The following LRP1B variants were observed in gnomAD, a reference collection of about 807,000 sequenced individuals.
LRP1B encodes the protein LDL receptor related protein 1B.
In LRP1B, 217 loss-of-function variants were observed where a neutral mutation model predicts 556.6. That is an observed-to-expected ratio of 0.39 (90% confidence interval 0.35 to 0.44). The LOEUF is 0.44. Ranked by LOEUF, LRP1B falls within the 20% of genes least tolerant of loss-of-function variation. The pLI is 1.00. For synonymous variants in LRP1B, 2,047 were observed against 1,865.8 expected (o/e 1.10, Z -2.50); for missense variants, 5,053 against 5,620.8 (o/e 0.90, Z 3.23).
intron 7 of LRP1B, among the ~76,000 whole-genome samples, chr2:141,170,525 T>C (rs1680457044): frequency 1.3e-5 from 2 of 152,066 alleles, no homozygotes; most frequent in Non-Finnish European, 2.9e-5. Flanking sequence ...CTGTTTTGTA[T>C]TAAAAATTGA....
At chr2:141,019,563 T>C (rs1391168378) in intron 12 of LRP1B, among the ~76,000 whole-genome samples, 1 of 152,128 alleles carries the variant, frequency 6.6e-6, no homozygotes, top group Admixed American at 6.6e-5. Context: ...TGCTATTTTT[T>C]TGAATACACT....
At chr2:140,726,258 T>C (rs895372035) in intron 35 of LRP1B, among the ~76,000 whole-genome samples, 1 of 152,152 alleles carries the variant, frequency 6.6e-6, no homozygotes. Context: ...TGGTCTTCTA[T>C]GGGAGGATAT....
At chr2:141,054,371 C>G (rs979450655) in intron 10 of LRP1B, among the ~76,000 whole-genome samples, 1 of 151,950 alleles carries the variant, frequency 6.6e-6, no homozygotes, top group Non-Finnish European at 1.5e-5. Context: ...ACAGTCCCCA[C>G]TAGGATCATT....
chr2:142,042,902 G>A (rs1704112962), intron 1 of LRP1B, among the ~76,000 whole-genome samples: 1 of 151,418 alleles, frequency 6.6e-6, no homozygotes, highest in South Asian at 2.1e-4. Flanking sequence ...CTTCATTCCA[G>A]GATTTCTCAT....
intron 59 of LRP1B, among the ~76,000 whole-genome samples, chr2:140,481,027 T>C (rs11886190): frequency 0.056 from 8,572 of 151,986 alleles, 295 homozygotes; most frequent in African/African-American, 0.079. Flanking sequence ...TCAACAGGCC[T>C]GGCTAATTTT....
At chr2:141,140,311 C>G (rs75951550) in intron 7 of LRP1B, among the ~76,000 whole-genome samples, 1 of 151,718 alleles carries the variant, frequency 6.6e-6, no homozygotes. Flanking sequence ...GCTTATTGAA[C>G]GTCAATTATA....
intron 31 of LRP1B, among the ~76,000 whole-genome samples, chr2:140,818,844 G>C (rs1436836957): frequency 6.6e-6 from 1 of 151,468 alleles, no homozygotes; most frequent in African/African-American, 2.4e-5. Flanking sequence ...GGCTGAGGCA[G>C]GAGAATCGCT....
intron 7 of LRP1B, among the ~76,000 whole-genome samples, chr2:141,161,766 G>C (rs1037453140): frequency 2.6e-5 from 4 of 152,012 alleles, no homozygotes; most frequent in African/African-American, 7.2e-5. Context: ...TTAGGAGATG[G>C]GTGATTCTTA....
chr2:141,331,826 G>A (rs529318272), intron 3 of LRP1B, among the ~76,000 whole-genome samples: 2 of 152,128 alleles, frequency 1.3e-5, no homozygotes, highest in Non-Finnish European at 2.9e-5. Flanking sequence ...AATGTGCAAA[G>A]TTTATGGAGA....
chr2:142,086,650 AC>A (rs1044069706), intron 1 of LRP1B, among the ~76,000 whole-genome samples: 15 of 148,286 alleles, frequency 1.0e-4, no homozygotes, highest in Admixed American at 2.7e-4. Flanking sequence ...CAAAAAAAAA[AC>A]ACAACTTGTC....
intron 66 of LRP1B, among the ~76,000 whole-genome samples, chr2:140,411,958 T>C (rs1684985337): frequency 6.6e-6 from 1 of 152,134 alleles, no homozygotes; most frequent in Non-Finnish European, 1.5e-5. Context: ...CACAAATCTT[T>C]TACAATTTCT....
At chr2:141,001,999 G>C (rs1360094962) in intron 15 of LRP1B, among the ~76,000 whole-genome samples, 1 of 152,108 alleles carries the variant, frequency 6.6e-6, no homozygotes, top group Admixed American at 6.6e-5. Flanking sequence ...CAACTTGGCA[G>C]ACTTTAAGTT....
chr2:140,375,603 C>A (rs756480353), intron 68 of LRP1B, among the ~76,000 whole-genome samples: 1 of 151,976 alleles, frequency 6.6e-6, no homozygotes, highest in Non-Finnish European at 1.5e-5. Context: ...ACATTTATAT[C>A]TCCTTTCTCT....
intron 66 of LRP1B, among the ~76,000 whole-genome samples, chr2:140,402,701 A>G (rs1205211942): frequency 2.6e-5 from 4 of 152,156 alleles, no homozygotes; most frequent in African/African-American, 9.7e-5. Context: ...TGTCTAATTG[A>G]GAGCTACCCC....
At chr2:141,696,640 A>T (rs990863167) in intron 2 of LRP1B, among the ~76,000 whole-genome samples, 1 of 151,970 alleles carries the variant, frequency 6.6e-6, no homozygotes, top group African/African-American at 2.4e-5. Flanking sequence ...AAATTTTAGG[A>T]GTAAGAAAAT....
At position 141,027,058 on chromosome 2, in the gene LRP1B, G is replaced by A. The variant is rs114156767; in HGVS notation, c.1790-6956C>T. Among the ~76,000 whole-genome samples, 1,209 of 152,102 alleles carry A rather than the reference G, an allele frequency of 7.9e-3. 19 individuals carry two copies. The highest frequency in any genetic ancestry group is 0.028 in the African/African-American group (1,165 of 41,516). On this transcript the variant is annotated intron_variant, in intron 11 of 90. Coordinates refer to ENST00000389484, the MANE Select transcript of LRP1B (RefSeq NM_018557.3). ...TAAAGAAAAAAAATGATAAATAGAG[G>A]AAGGAGTTGAAGAAAGTTTAACCTA...
chr2:141,332,277 C>CGTAT (rs1229539556), intron 3 of LRP1B, among the ~76,000 whole-genome samples: 2 of 152,002 alleles, frequency 1.3e-5, no homozygotes, highest in Non-Finnish European at 2.9e-5. Flanking sequence ...GAGCCTATAA[C>CGTAT]CACCTAGCCT....
chr2:140,640,383 CTTTTTTTTTT>C (rs70988414), intron 41 of LRP1B, among the ~76,000 whole-genome samples: 29 of 48,494 alleles, frequency 6.0e-4, no homozygotes, highest in South Asian at 2.2e-3. Context: ...GTCCTGTTTT[CTTTTTTTTTT>C]TTTTTTTTTT....
At chr2:140,483,940 A>T (rs1457016205) in intron 59 of LRP1B, among the ~76,000 whole-genome samples, 1 of 152,010 alleles carries the variant, frequency 6.6e-6, no homozygotes, top group Non-Finnish European at 1.5e-5. Flanking sequence ...ACACCCAGCT[A>T]TCAAAAATCA....
Sources: gnomAD v4.1 joint callset for allele counts (sites outside exome capture counted in the v4.1 genomes callset) on GRCh38, gnomAD v4.1.1 for gene constraint, MANE v1.5 for transcripts, NCBI Gene and HGNC (gene_info 2026-07-23, HGNC 2026-07-21) for gene names.